The following EYS variants were observed in gnomAD, a reference collection of about 807,000 sequenced individuals.
The protein encoded by EYS is EGF-like photoreceptor maintenance factor.
EYS carries 250 observed loss-of-function variants against 282.1 expected under a neutral mutation model. The ratio of observed to expected loss-of-function variants is 0.89; its 90% CI spans 0.80 to 0.98. EYS has a LOEUF of 0.98. Among genes scored for constraint, EYS ranks in the 50% least tolerant of loss-of-function variants. EYS has a pLI of 0.00. For missense variants in EYS, 4,016 were observed against 3,709.0 expected (o/e 1.08, Z -2.15); for synonymous variants, 1,355 against 1,282.9 (o/e 1.06, Z -1.20).
intron 16 of EYS, among the ~76,000 whole-genome samples, chr6:64,910,201 T>C (rs1562254499): frequency 6.6e-6 from 1 of 152,152 alleles, no homozygotes; most frequent in South Asian, 2.1e-4. Flanking sequence ...TAAATGTTGA[T>C]ACTTGTGAGA....
intron 12 of EYS, among the ~76,000 whole-genome samples, chr6:65,226,603 C>A (rs909031808): frequency 1.3e-5 from 2 of 152,034 alleles, no homozygotes; most frequent in Admixed American, 6.6e-5. Context: ...CAACAACAAC[C>A]ATAAAAACCT....
intron 10 of EYS, among the ~76,000 whole-genome samples, chr6:65,337,333 T>C (rs1248876288): frequency 6.6e-6 from 1 of 151,488 alleles, no homozygotes; most frequent in Non-Finnish European, 1.5e-5. Flanking sequence ...TCTATGTGTT[T>C]GTAATTCACA....
chr6:64,245,001 G>T (rs1229650709), intron 30 of EYS, among the ~76,000 whole-genome samples: 1 of 107,218 alleles, frequency 9.3e-6, no homozygotes, highest in Non-Finnish European at 1.7e-5. Context: ...CGACAGGCCC[G>T]GGTGTGTGAT....
intron 36 of EYS, among the ~76,000 whole-genome samples, chr6:63,841,040 T>C (rs1771943327): frequency 6.6e-6 from 1 of 152,206 alleles, no homozygotes; most frequent in South Asian, 2.1e-4. Context: ...TTTCTAGTAC[T>C]AAGAAATATA....
In EYS at chr6:64,153,228, G is replaced by A. The variant is rs759887022; in HGVS notation, c.6425-71226C>T. ...GATGTTAAATTTTTTGTGCATAGTC[G>A]CACATAAACAGGAAAAAAATGAGGA... On this transcript the variant is annotated intron_variant, in intron 31 of 42. Transcript: ENST00000503581. 7.9e-5 allele frequency among the ~76,000 whole-genome samples: 12 copies of A among 151,912 alleles called. 1 individual carries two copies. In the South Asian group the frequency reaches 8.3e-4, roughly 11 times the overall value.
At position 65,524,991 on chromosome 6, in the gene EYS, G is replaced by C. The variant is rs950720278; in HGVS notation, c.-332-28998C>G. On this transcript the variant is annotated intron_variant, in intron 2 of 42. Transcript: ENST00000503581. ...GCCAGGTCAACCATGGTGACTGGAAGTCCACGTTGCTGGGCCCATGCATAA... is the reference window on the plus strand; with the variant it reads ...GCCAGGTCAACCATGGTGACTGGAACTCCACGTTGCTGGGCCCATGCATAA... 5.9e-5 allele frequency among the ~76,000 whole-genome samples: 9 copies of C among 152,036 alleles called. No individual in the cohort carries two copies. The East Asian group carries it at 1.5e-3, about 26-fold the overall frequency.
In EYS at chr6:65,298,284, A is replaced by G. The variant is rs138170206; in HGVS notation, c.1767-2165T>C. Among the ~76,000 whole-genome samples the G allele has an allele frequency of 3.4e-4, 51 of 152,100 alleles. No homozygotes were observed. The East Asian group carries it at 9.7e-3, about 29-fold the overall frequency. Reference sequence around the variant, plus strand: ...ACTATAACAAACAAAAACTGTACTAATTGAAAGAGAGTTTGCCAGTTAACT... The same window carrying G: ...ACTATAACAAACAAAAACTGTACTAGTTGAAAGAGAGTTTGCCAGTTAACT... On this transcript the variant is annotated intron_variant, in intron 11 of 42. Transcript: ENST00000503581.
intron 7 of EYS, among the ~76,000 whole-genome samples, chr6:65,398,444 C>CA (rs1766372136): frequency 6.6e-6 from 1 of 151,546 alleles, no homozygotes; most frequent in East Asian, 1.9e-4. Context: ...AAACTAGACC[C>CA]CTATCTTTTA....
chr6:64,357,435 C>T lies in EYS; in HGVS notation c.6078+31255G>A, dbSNP rs79448207. On this transcript the variant is annotated intron_variant, in intron 29 of 42. Coordinates refer to ENST00000503581, the MANE Select transcript of EYS (RefSeq NM_001142800.2). ...TCTGAAAGGGCTACAAAGAAATTAC[C>T]TATCCTTCTTTGCCACTAATTCTAA... Among the ~76,000 whole-genome samples, 363 of 151,742 alleles carry T rather than the reference C, an allele frequency of 2.4e-3. 2 individuals are homozygous for T. The highest frequency in any genetic ancestry group is 8.4e-3 in the African/African-American group (348 of 41,510).
intron 31 of EYS, among the ~76,000 whole-genome samples, chr6:64,126,507 T>C (rs1773791861): frequency 6.6e-6 from 1 of 151,966 alleles, no homozygotes; most frequent in Admixed American, 6.6e-5. Flanking sequence ...CACTCAGATA[T>C]CTTACTAATT....
At chr6:63,819,129 G>A (rs1771256629) in intron 36 of EYS, among the ~76,000 whole-genome samples, 1 of 152,162 alleles carries the variant, frequency 6.6e-6, no homozygotes, top group Non-Finnish European at 1.5e-5. Flanking sequence ...GTTTTCTGCT[G>A]CATCCTAAGC....
At position 65,067,400 on chromosome 6, in the gene EYS, T is replaced by C. The variant is rs866012392; in HGVS notation, c.2024-9673A>G. On this transcript the variant is annotated intron_variant, in intron 12 of 42. Transcript: ENST00000503581. ...TAATGAAATCTAAGATGCCACAGAT[T>C]GCTCAATTCATCACAAAATTGACAA... Among the ~76,000 whole-genome samples, 28 of 152,126 alleles carry C rather than the reference T, an allele frequency of 1.8e-4. 1 individual carries two copies. The highest frequency in any genetic ancestry group is 6.8e-4 in the African/African-American group (28 of 41,452).
chr6:65,602,953 G>A (rs1024346617), intron 2 of EYS, among the ~76,000 whole-genome samples: 3 of 151,992 alleles, frequency 2.0e-5, no homozygotes, highest in African/African-American at 7.2e-5. Context: ...CTAAGGTAAA[G>A]TAGTAGACTG....
At chr6:64,788,413 C>T (rs149215764) in intron 22 of EYS, among the ~76,000 whole-genome samples, 182 of 152,260 alleles carry the variant, frequency 1.2e-3, no homozygotes, top group Non-Finnish European at 2.0e-3. Context: ...AGTTTCCACA[C>T]GGCACTCCCA....
At chr6:65,020,964 C>T (rs1325397421) in intron 13 of EYS, among the ~76,000 whole-genome samples, 3 of 152,128 alleles carry the variant, frequency 2.0e-5, no homozygotes, top group Non-Finnish European at 4.4e-5. Context: ...ATGCAGGGCA[C>T]CAAGTCCCAA....
At chr6:65,440,063 C>A (rs1768251031) in intron 5 of EYS, among the ~76,000 whole-genome samples, 1 of 151,810 alleles carries the variant, frequency 6.6e-6, no homozygotes. Context: ...ATAGAGTTTT[C>A]AGAGAAAAAA....
chr6:65,576,771 T>C (rs1180612013), intron 2 of EYS, among the ~76,000 whole-genome samples: 2 of 151,970 alleles, frequency 1.3e-5, no homozygotes, highest in Non-Finnish European at 2.9e-5. Context: ...AGTGTTTCCA[T>C]GCACTAACAA....
chr6:64,693,656 A>T (rs1344194371), intron 22 of EYS, among the ~76,000 whole-genome samples: 1 of 152,146 alleles, frequency 6.6e-6, no homozygotes, highest in Admixed American at 6.5e-5. Flanking sequence ...AATAGACCCA[A>T]ATGTATTTTT....
intron 2 of EYS, among the ~76,000 whole-genome samples, chr6:65,548,951 G>A (rs1014651311): frequency 5.9e-5 from 9 of 152,122 alleles, no homozygotes; most frequent in African/African-American, 9.7e-5. Context: ...CAGATGGGAG[G>A]GGAGGGTGGT....
Sources: gnomAD v4.1 joint callset for allele counts (sites outside exome capture counted in the v4.1 genomes callset) on GRCh38, gnomAD v4.1.1 for gene constraint, MANE v1.5 for transcripts, NCBI Gene and HGNC (gene_info 2026-07-23, HGNC 2026-07-21) for gene names.